The following TP63 variants were observed in gnomAD, a reference collection of about 807,000 sequenced individuals.
TP63 encodes tumor protein p63, also known as tumor protein 63.
Under a neutral mutation model 82.8 loss-of-function variants are expected in TP63, and 17 were observed. The observed-to-expected ratio is 0.21, with a 90% CI of 0.14 to 0.31. TP63 has a LOEUF of 0.31. Among genes scored for constraint, TP63 ranks in the 10% least tolerant of loss-of-function variants. The probability of loss-of-function intolerance (pLI) is 1.00; values close to 1 mark genes in which losing one functional copy is unlikely to be tolerated. For synonymous variants in TP63, 330 were observed against 321.7 expected (o/e 1.03, Z -0.28); for missense variants, 648 against 895.3 (o/e 0.72, Z 3.52).
intron 1 of TP63, among the ~76,000 whole-genome samples, chr3:189,710,321 T>C (rs1279129983): frequency 6.6e-6 from 1 of 152,182 alleles, no homozygotes; most frequent in Non-Finnish European, 1.5e-5. Flanking sequence ...ATAATCAATA[T>C]GTGACTGAGC....
At chr3:189,643,456 A>T (rs941345087) in intron 1 of TP63, among the ~76,000 whole-genome samples, 1 of 20,756 alleles carries the variant, frequency 4.8e-5, no homozygotes. Flanking sequence ...TAAACTGATT[A>T]AAAAAAAAAA....
chr3:189,889,577 G>A, intron 12 of TP63, 93 bp downstream of exon 12: 1 of 1,559,304 alleles, frequency 6.4e-7, no homozygotes, highest in Non-Finnish European at 8.8e-7. Context: ...ACAGTTGGAA[G>A]GGAAGACAGC....
At chr3:189,685,800 TGTA>T (rs1192678947) in intron 1 of TP63, among the ~76,000 whole-genome samples, 1 of 152,190 alleles carries the variant, frequency 6.6e-6, no homozygotes, top group East Asian at 1.9e-4. Flanking sequence ...ACCCCAGACA[TGTA>T]GGATGTGAAT....
intron 3 of TP63, among the ~76,000 whole-genome samples, chr3:189,802,127 G>A (rs1002237168): frequency 2.0e-5 from 3 of 152,208 alleles, no homozygotes; most frequent in African/African-American, 7.2e-5. Context: ...AAAATGACAA[G>A]TATGTCTCCC....
intron 1 of TP63, among the ~76,000 whole-genome samples, chr3:189,655,810 C>T (rs2108644159): frequency 6.6e-6 from 1 of 152,270 alleles, no homozygotes; most frequent in East Asian, 1.9e-4. Flanking sequence ...AAAAAACCCA[C>T]ACATTGTTGG....
At chr3:189,801,761 G>A (rs1726329497) in intron 3 of TP63, among the ~76,000 whole-genome samples, 1 of 152,180 alleles carries the variant, frequency 6.6e-6, no homozygotes, top group Non-Finnish European at 1.5e-5. Context: ...TTGACACTTT[G>A]TGTCAGAACA....
rs964939555 is a variant in TP63 at position 189,654,643 on chromosome 3, C to A, written c.62+23066C>A. Among the ~76,000 whole-genome samples, 8 of 151,964 alleles carry A rather than the reference C, an allele frequency of 5.3e-5. 1 individual carries two copies. The highest frequency in any genetic ancestry group is 6.8e-3 in the Middle Eastern group (2 of 294). On this transcript the variant is annotated intron_variant, in intron 1 of 13. Transcript: ENST00000264731. ...ATGCTAAAGTTATAATGGCTTTTTA[C>A]AAAAATATATTTAAAAACCCTAAAA...
intron 10 of TP63, among the ~76,000 whole-genome samples, chr3:189,879,343 C>T (rs1214679595): frequency 1.3e-5 from 2 of 152,160 alleles, no homozygotes; most frequent in African/African-American, 4.8e-5. Flanking sequence ...TTTCTGGCAT[C>T]CTCGTGGTGT....
the TP63 span, among the ~76,000 whole-genome samples, chr3:189,625,732 C>T: frequency 6.6e-6 from 1 of 152,142 alleles, no homozygotes; most frequent in Non-Finnish European, 1.5e-5. Context: ...ATAAGGACTT[C>T]CTGTGTTTCT....
intron 3 of TP63, among the ~76,000 whole-genome samples, chr3:189,747,651 A>G (rs1560154052): frequency 6.6e-6 from 1 of 152,116 alleles, no homozygotes; most frequent in Non-Finnish European, 1.5e-5. Context: ...TCACATAAAC[A>G]ATCCAACAAT....
intron 13 of TP63, among the ~76,000 whole-genome samples, chr3:189,893,087 GT>G (rs1285560778): frequency 6.6e-6 from 1 of 152,180 alleles, no homozygotes; most frequent in East Asian, 1.9e-4. Flanking sequence ...GAAAAGGAAT[GT>G]GACCTAAATT....
intron 3 of TP63, among the ~76,000 whole-genome samples, chr3:189,796,517 A>C (rs1018817529): frequency 6.6e-6 from 1 of 152,014 alleles, no homozygotes; most frequent in Non-Finnish European, 1.5e-5. Flanking sequence ...ATAAGGAGAC[A>C]TCTAAGCTAG....
At chr3:189,698,862 A>G (rs563847829) in intron 1 of TP63, among the ~76,000 whole-genome samples, 9 of 152,326 alleles carry the variant, frequency 5.9e-5, no homozygotes, top group Non-Finnish European at 1.2e-4. Context: ...ATACAGAGCT[A>G]TAATATTGTG....
At chr3:189,747,254 T>C (rs1051364714) in intron 3 of TP63, among the ~76,000 whole-genome samples, 5 of 152,082 alleles carry the variant, frequency 3.3e-5, no homozygotes, top group African/African-American at 1.2e-4. Context: ...ATTGACCTAA[T>C]GGACATTTAC....
the TP63 span, among the ~76,000 whole-genome samples, chr3:189,601,546 A>G: frequency 4.6e-5 from 7 of 151,492 alleles, no homozygotes; most frequent in African/African-American, 1.2e-4. Flanking sequence ...TGAATTTACC[A>G]TCTGCAGAAA....
At chr3:189,621,945 G>A in the TP63 span, among the ~76,000 whole-genome samples, 1 of 152,170 alleles carries the variant, frequency 6.6e-6, no homozygotes, top group Non-Finnish European at 1.5e-5. Flanking sequence ...CTGCAAGGTA[G>A]CACTTTAAAT....
intron 3 of TP63, among the ~76,000 whole-genome samples, chr3:189,772,913 G>A (rs1723482846): frequency 6.6e-6 from 1 of 152,188 alleles, no homozygotes; most frequent in Non-Finnish European, 1.5e-5. Context: ...TTTGCACTTA[G>A]TGTCTTTTAT....
intron 1 of TP63, among the ~76,000 whole-genome samples, chr3:189,682,546 AAAAAAAAATATATATATATATATATATAT>A (rs1222234264): frequency 2.1e-4 from 8 of 37,794 alleles, no homozygotes; most frequent in African/African-American, 4.0e-4. Context: ...GAAAAAAAAA[AAAAAAAAATATATATATATATATATATAT>A]ATATATATAT....
At chr3:189,757,507 C>G (rs1324968925) in intron 3 of TP63, among the ~76,000 whole-genome samples, 2 of 152,166 alleles carry the variant, frequency 1.3e-5, no homozygotes, top group Non-Finnish European at 2.9e-5. Context: ...CTGCCTGTGG[C>G]CAGTCCTCAG....
Sources: gnomAD v4.1 joint callset for allele counts (sites outside exome capture counted in the v4.1 genomes callset) on GRCh38, gnomAD v4.1.1 for gene constraint, MANE v1.5 for transcripts, NCBI Gene and HGNC (gene_info 2026-07-23, HGNC 2026-07-21) for gene names.